SETMAR: variants seen among roughly 807,000 people sequenced by gnomAD.
SETMAR encodes the protein histone-lysine N-methyltransferase SETMAR.
SETMAR carries 44 observed loss-of-function variants against 58.4 expected under a neutral mutation model. The ratio of observed to expected loss-of-function variants is 0.75; its 90% CI spans 0.59 to 0.97. The LOEUF (loss-of-function observed/expected upper bound fraction) is 0.97. Among genes scored for constraint, SETMAR ranks in the 50% least tolerant of loss-of-function variants. The probability of loss-of-function intolerance (pLI) is 0.00; values close to 1 mark genes in which losing one functional copy is unlikely to be tolerated. For synonymous variants in SETMAR, 332 were observed against 307.4 expected, an observed-to-expected ratio of 1.08 and a Z score of -0.84; for missense variants, 903 against 840.2, an observed-to-expected ratio of 1.07 and a Z score of -0.92.
At chr3:4,306,054 G>A (rs1215594090) in intron 1 of SETMAR, among the ~76,000 whole-genome samples, 1 of 152,142 alleles carries the variant, frequency 6.6e-6, no homozygotes, top group Non-Finnish European at 1.5e-5. Flanking sequence ...GTGGTGGGTT[G>A]GGCTGCAAAG....
intron 1 of SETMAR, 41 bp downstream of exon 1, chr3:4,303,567 C>CT: frequency 7.5e-7 from 1 of 1,338,280 alleles, no homozygotes; most frequent in Non-Finnish European, 9.5e-7. Context: ...GGGCGCGCGG[C>CT]TCCCCCACGT....
At chr3:4,314,022 T>G in intron 2 of SETMAR, 3 of 581,812 alleles carry the variant, frequency 5.2e-6, no homozygotes, top group Non-Finnish European at 8.8e-6. Flanking sequence ...AAATGACAAG[T>G]CCTTAAATGG....
rs60019211 is a variant in SETMAR at position 4,316,967 on chromosome 3, G to A, written c.1776G>A (p.Pro592=). The part of the protein sequence containing the change: ...GPILLHDNAR[P]HVAQPTLQKL... ...TTCTTCTCCACGACAATGCCCGACC[G>A]CATGTTGCACAACCCACACTTCAAA... Residue 592 remains proline (P), a synonymous_variant, in exon 3 of 3, where the codon CCG becomes CCA. Transcript: ENST00000358065. 1.9e-3 allele frequency: 2,971 copies of A among 1,549,384 alleles called. 46 individuals are homozygous for A. In the African/African-American group the frequency reaches 0.033, roughly 17 times the overall value.
intron 1 of SETMAR, among the ~76,000 whole-genome samples, chr3:4,311,492 T>G (rs913016222): frequency 6.6e-6 from 1 of 152,190 alleles, no homozygotes; most frequent in Non-Finnish European, 1.5e-5. Flanking sequence ...AAACAGCCCA[T>G]GAAACTGCTT....
chr3:4,313,076 CA>C lies in SETMAR; in HGVS notation c.336del (p.Glu113SerfsTer61), dbSNP rs751273952. The C allele has an allele frequency of 2.5e-6, 4 of 1,613,804 alleles. No homozygotes were observed. The African/African-American group carries it at 5.3e-5, about 22-fold the overall frequency. ...GATATAGGATCTGGAGGAAAGTATG[CA>C]GAGCCTGTTTTTGAATGCAATGTCC... ...LRDIGSGGKY[A>X]EPVFECNVLC... On this transcript the variant is annotated frameshift_variant, in exon 2 of 3. Transcript: ENST00000358065. LOFTEE classifies it high-confidence loss of function.
chr3:4,303,422 A>G lies in SETMAR; in HGVS notation c.52A>G (p.Lys18Glu), dbSNP rs1368143817. ...TTRPCGMAEF[K>E]EKPEAPTEQL... ...ACGGCCTTGTGGGATGGCGGAGTTT[A>G]AGGAGAAGCCTGAGGCCCCGACTGA... The change falls in exon 1 of 3, where the codon AAG becomes GAG. Residue 18 changes from lysine (K) to glutamate (E), a missense_variant. Physicochemically the swap from Lys to Glu is moderately conservative, Grantham distance 56. Transcript: ENST00000358065. 1 of 1,555,404 alleles carries G rather than the reference A, an allele frequency of 6.4e-7. No individual in the cohort carries two copies. Among genetic ancestry groups the G allele is most frequent in the East Asian group, 2.6e-5 (1 of 38,040 alleles).
At position 4,316,517 on chromosome 3, in the gene SETMAR, G is replaced by C. The variant is rs573262123; in HGVS notation, c.1326G>C (p.Thr442=). 13 of 1,588,666 alleles carry C rather than the reference G, an allele frequency of 8.2e-6. No homozygotes were observed. The highest frequency in any genetic ancestry group is 1.7e-5 in the Admixed American group (1 of 57,482). The part of the protein sequence containing the change: ...VAEELNVNHS[T]VVRHLKQIGK... ...AAGAACTCAATGTCAACCATTCTAC[G>C]GTCGTTCGACATTTGAAGCAAATTG... Residue 442 remains threonine (T), a synonymous_variant, in exon 3 of 3, where the codon ACG becomes ACC. Transcript: ENST00000358065.
At chr3:4,312,866 G>C (rs139762957) in intron 1 of SETMAR, 32 bp from the exon 2 acceptor site, 11 of 1,564,200 alleles carry the variant, frequency 7.0e-6, no homozygotes, top group Admixed American at 1.9e-5. Context: ...ATGACATGCC[G>C]TGCTGACTTA....
chr3:4,309,994 A>G (rs1049495924), intron 1 of SETMAR, among the ~76,000 whole-genome samples: 2 of 152,224 alleles, frequency 1.3e-5, no homozygotes, highest in African/African-American at 2.4e-5. Context: ...AGGCAATATG[A>G]TAATGCCCTA....
Position 4,312,788 on chromosome 3 carries a change from C to G in SETMAR, c.157-110C>G, listed in dbSNP as rs1024247948. On this transcript the variant is annotated intron_variant, in intron 1 of 2. Coordinates refer to ENST00000358065, the MANE Select transcript of SETMAR (RefSeq NM_006515.4). Reference sequence around the variant, plus strand: ...TATGCTGTGTTTTGACAGTTTTGTCCTGTTTTTATATATGTTAGAATTAGA... The same window carrying G: ...TATGCTGTGTTTTGACAGTTTTGTCGTGTTTTTATATATGTTAGAATTAGA... 3.9e-6 allele frequency: 5 copies of G among 1,280,008 alleles called. No individual in the cohort carries two copies. The African/African-American group carries it at 6.1e-5, about 15-fold the overall frequency. The allele number at this position is 1,280,008 out of a possible 1,614,324, so 79.3% of individuals were successfully genotyped here.
At chr3:4,308,043 A>G (rs143026412) in intron 1 of SETMAR, among the ~76,000 whole-genome samples, 63 of 152,120 alleles carry the variant, frequency 4.1e-4, no homozygotes, top group Middle Eastern at 3.4e-3. Flanking sequence ...AAAAAATCCC[A>G]TTCTCCGTGT....
chr3:4,313,951 A>G, intron 2 of SETMAR, 190 bp downstream of exon 2: 1 of 1,013,704 alleles, frequency 9.9e-7, no homozygotes, highest in East Asian at 2.6e-5. Flanking sequence ...ACTACCCAGA[A>G]TACTCACTTT....
chr3:4,307,367 G>A (rs980405118), intron 1 of SETMAR, among the ~76,000 whole-genome samples: 32 of 152,204 alleles, frequency 2.1e-4, no homozygotes, highest in Middle Eastern at 3.4e-3. Context: ...TGCCACACTC[G>A]AAACCTCATA....
intron 1 of SETMAR, among the ~76,000 whole-genome samples, chr3:4,311,080 A>T (rs1698387086): frequency 2.0e-5 from 3 of 152,174 alleles, no homozygotes; most frequent in Admixed American, 2.0e-4. Flanking sequence ...AACACAAACA[A>T]AAGCTATTTC....
At position 4,317,262 on chromosome 3, in the gene SETMAR, C is replaced by T. The variant is rs1483888763; in HGVS notation, c.*16C>T. The T allele has an allele frequency of 1.3e-6, 2 of 1,496,056 alleles. No homozygotes were observed. Among genetic ancestry groups the T allele is most frequent in the South Asian group, 1.3e-5 (1 of 79,894 alleles). The allele number at this position is 1,496,056 out of a possible 1,614,324, so 92.7% of individuals were successfully genotyped here. On this transcript the variant is annotated 3_prime_UTR_variant, in exon 3 of 3. Coordinates refer to ENST00000358065, the MANE Select transcript of SETMAR (RefSeq NM_006515.4). ...TTTTGATTAATAAAAATGCGTTGAGCCTAGTTATAATGATTTAAAATTCAC... is the reference window on the plus strand; with the variant it reads ...TTTTGATTAATAAAAATGCGTTGAGTCTAGTTATAATGATTTAAAATTCAC...
At chr3:4,305,525 A>T (rs947696722) in intron 1 of SETMAR, among the ~76,000 whole-genome samples, 1 of 152,220 alleles carries the variant, frequency 6.6e-6, no homozygotes, top group African/African-American at 2.4e-5. Flanking sequence ...AAAGAAAGAA[A>T]AAGAGGGGGA....
At position 4,316,737 on chromosome 3, in the gene SETMAR, G is replaced by A. The variant is rs1698672293; in HGVS notation, c.1546G>A (p.Glu516Lys). 4 of 1,550,686 alleles carry A rather than the reference G, an allele frequency of 2.6e-6. No homozygotes were observed. The highest frequency in any genetic ancestry group is 3.5e-6 in the Non-Finnish European group (4 of 1,146,768). ...ATCAGCTCAGTGGTTGGATCAAGAA[G>A]AAGCTCCAAAGCACTTCCCAAAGCC... ...RRSAQWLDQE[E>K]APKHFPKPIL... is the part of the protein sequence containing the mutation. Residue 516 changes from glutamate to lysine, a missense_variant, in exon 3 of 3, where the codon GAA (glutamate) becomes AAA (lysine). Transcript: ENST00000358065.
rs181039951 is a variant in SETMAR at position 4,311,975 on chromosome 3, G to C, written c.157-923G>C. The stretch of plus-strand genomic sequence containing the variant: ...GAGATCAGGCTTCACATAGAGTTTA[G>C]ATTGAGGATTGTCTTCTTTTTATAT... On this transcript the variant is annotated intron_variant, in intron 1 of 2. Coordinates refer to ENST00000358065, the MANE Select transcript of SETMAR (RefSeq NM_006515.4). Among the ~76,000 whole-genome samples the C allele has an allele frequency of 8.5e-5, 13 of 152,284 alleles. No homozygotes were observed. In the East Asian group the frequency reaches 2.1e-3, roughly 25 times the overall value.
chr3:4,305,228 G>C (rs1317154530), intron 1 of SETMAR, among the ~76,000 whole-genome samples: 5 of 152,104 alleles, frequency 3.3e-5, no homozygotes, highest in Non-Finnish European at 7.4e-5. Flanking sequence ...TGGAATTACA[G>C]GCGCCTACAA....
Sources: allele counts gnomAD v4.1 joint callset (sites outside exome capture counted in the v4.1 genomes callset), GRCh38; gene constraint gnomAD v4.1.1; transcripts MANE v1.5; gene names NCBI Gene and HGNC (gene_info 2026-07-23, HGNC 2026-07-21).